Variants in SLC2A13 observed in about 807,000 individuals in gnomAD.
The protein encoded by SLC2A13 is proton myo-inositol cotransporter.
A neutral mutation model predicts 64.4 loss-of-function variants in SLC2A13; 32 were observed. The ratio of observed to expected loss-of-function variants is 0.50; its 90% CI spans 0.37 to 0.67. The LOEUF is 0.67. SLC2A13 is among the 30% of genes least tolerant of loss of function. The pLI is 0.00. For synonymous variants in SLC2A13, 338 were observed against 327.1 expected (o/e 1.03, Z -0.36); for missense variants, 743 against 829.2 (o/e 0.90, Z 1.28).
At position 40,105,754 on chromosome 12, in the gene SLC2A13, G is replaced by C; in HGVS notation, c.55C>G (p.Leu19Val). ...TGCTTCCTGCGCCGCTCGCCCATCA[G>C]GCTGCTCAGGCTCCGCAGCGTGTAC... ...VEYTLRSLSS[L>V]MGERRRKQPE... is the part of the protein sequence containing the mutation. The change falls in exon 1 of 10, where the codon CTG (leucine) becomes GTG (valine). Residue 19 changes from leucine (L) to valine (V), a missense_variant. Physicochemically the swap from Leu to Val is conservative, Grantham distance 32. Around this residue, in one of 2 missense-constraint regions of SLC2A13, gnomAD observed 448 missense variants for 447.4 expected, o/e 1.00. Transcript: ENST00000280871. The surrounding 1 kb of genome is among the most constrained non-coding windows in gnomAD (Gnocchi z 4.2). The C allele has an allele frequency of 6.7e-7, 1 of 1,490,516 alleles. No homozygotes were observed. Among genetic ancestry groups the C allele is most frequent in the Non-Finnish European group, 8.9e-7 (1 of 1,120,726 alleles). 92.3% of individuals were successfully genotyped at this position (1,490,516 alleles called of 1,614,324 possible).
intron 7 of SLC2A13, among the ~76,000 whole-genome samples, chr12:39,795,931 T>G (rs1941558070): frequency 6.6e-6 from 1 of 152,156 alleles, no homozygotes; most frequent in South Asian, 2.1e-4. Flanking sequence ...TATAACTCAG[T>G]GATTTTCAGT....
chr12:40,087,905 T>C (rs1938637952), intron 1 of SLC2A13, among the ~76,000 whole-genome samples: 1 of 152,198 alleles, frequency 6.6e-6, no homozygotes, highest in Non-Finnish European at 1.5e-5. Context: ...TGATTATAAG[T>C]ACAAATAACT....
intron 9 of SLC2A13, among the ~76,000 whole-genome samples, chr12:39,761,825 G>C (rs796098811): frequency 6.6e-6 from 1 of 152,042 alleles, no homozygotes; most frequent in African/African-American, 2.4e-5. Context: ...TACAAAATCT[G>C]TAACAGCAAA....
intron 3 of SLC2A13, among the ~76,000 whole-genome samples, chr12:39,998,689 G>A (rs1947274442): frequency 6.6e-6 from 1 of 152,212 alleles, no homozygotes; most frequent in Non-Finnish European, 1.5e-5. Context: ...TAGGCAGAAG[G>A]AACTTGTTTT....
intron 4 of SLC2A13, among the ~76,000 whole-genome samples, chr12:39,878,921 T>C (rs1234624531): frequency 6.6e-6 from 1 of 152,134 alleles, no homozygotes; most frequent in Non-Finnish European, 1.5e-5. Context: ...CCTAGGAGTA[T>C]AGAATGGTTT....
chr12:39,910,606 A>C (rs1456853778), intron 4 of SLC2A13, among the ~76,000 whole-genome samples: 1 of 152,014 alleles, frequency 6.6e-6, no homozygotes, highest in Admixed American at 6.6e-5. Context: ...AGCCTTGGGA[A>C]CCCACAGAAA....
intron 1 of SLC2A13, among the ~76,000 whole-genome samples, chr12:40,094,386 G>C (rs887528232): frequency 2.3e-4 from 35 of 152,194 alleles, no homozygotes; most frequent in African/African-American, 8.2e-4. Flanking sequence ...TCTGAGGCTG[G>C]CCCAAATTAA....
At chr12:39,882,796 C>A (rs530100394) in intron 4 of SLC2A13, among the ~76,000 whole-genome samples, 45 of 152,304 alleles carry the variant, frequency 3.0e-4, no homozygotes, top group African/African-American at 1.0e-3. Context: ...AATTATTACT[C>A]TTTCCTTCTA....
intron 7 of SLC2A13, among the ~76,000 whole-genome samples, chr12:39,783,527 C>A (rs544697566): frequency 2.0e-5 from 3 of 152,308 alleles, no homozygotes; most frequent in African/African-American, 7.2e-5. Flanking sequence ...TCCTCTCCAG[C>A]ACCTGTTGTT....
intron 3 of SLC2A13, among the ~76,000 whole-genome samples, chr12:39,960,959 C>T (rs1946402048): frequency 6.6e-6 from 1 of 151,652 alleles, no homozygotes; most frequent in African/African-American, 2.4e-5. Flanking sequence ...GTTGGCCATG[C>T]TGGTCTCGAA....
At chr12:39,976,810 C>T (rs1323905035) in intron 3 of SLC2A13, among the ~76,000 whole-genome samples, 1 of 152,068 alleles carries the variant, frequency 6.6e-6, no homozygotes. Flanking sequence ...CTACCTAACC[C>T]AAACCAAAAC....
At chr12:39,786,568 G>C (rs1008053614) in intron 7 of SLC2A13, among the ~76,000 whole-genome samples, 3 of 152,178 alleles carry the variant, frequency 2.0e-5, no homozygotes, top group Admixed American at 2.0e-4. Flanking sequence ...TTCTAAGCAG[G>C]CCCTTGCATA....
chr12:39,864,755 A>G lies in SLC2A13; in HGVS notation c.1319+7T>C. On this transcript the variant is annotated splice_region_variant and intron_variant, in intron 6 of 9. Coordinates refer to ENST00000280871, the MANE Select transcript of SLC2A13 (RefSeq NM_052885.4). ...TGTAAAGGAAGAAGAACATAATGGA[A>G]TCTCACCTGTATCTTGTGCAAGTGG... 6.2e-7 allele frequency: 1 copy of G among 1,612,868 alleles called. No homozygotes were observed. The highest frequency in any genetic ancestry group is 8.5e-7 in the Non-Finnish European group (1 of 1,179,546).
chr12:40,064,322 C>T (rs1355453748), intron 1 of SLC2A13, among the ~76,000 whole-genome samples: 1 of 152,040 alleles, frequency 6.6e-6, no homozygotes, highest in Non-Finnish European at 1.5e-5. Context: ...TACATACACA[C>T]ATACCCTTAA....
At chr12:39,854,647 T>G (rs1943558532) in intron 6 of SLC2A13, among the ~76,000 whole-genome samples, 1 of 152,200 alleles carries the variant, frequency 6.6e-6, no homozygotes, top group African/African-American at 2.4e-5. Flanking sequence ...GAAAACTCTT[T>G]GTAAAGCTCA....
At chr12:40,050,279 A>G (rs1212923693) in intron 1 of SLC2A13, among the ~76,000 whole-genome samples, 2 of 152,282 alleles carry the variant, frequency 1.3e-5, no homozygotes, top group East Asian at 3.9e-4. Context: ...AGAGATCTTT[A>G]TTTAGCCATG....
Position 40,052,594 on chromosome 12 carries a change from C to T in SLC2A13, c.557-4384G>A, listed in dbSNP as rs145047822. ...ATGACAGCGATTTTAAGAAATAATGCTGATTTGTAAGCTACATGCTATTAT... is the reference window on the plus strand; with the variant it reads ...ATGACAGCGATTTTAAGAAATAATGTTGATTTGTAAGCTACATGCTATTAT... On this transcript the variant is annotated intron_variant, in intron 1 of 9. Coordinates refer to ENST00000280871, the MANE Select transcript of SLC2A13 (RefSeq NM_052885.4). Among the ~76,000 whole-genome samples the T allele has an allele frequency of 1.7e-3, 255 of 152,052 alleles. 1 individual carries two copies. Among genetic ancestry groups the T allele is most frequent in the Non-Finnish European group, 1.9e-3 (132 of 67,966 alleles).
Position 39,877,263 on chromosome 12 carries a change from T to C in SLC2A13, c.1035-5302A>G, listed in dbSNP as rs113079489. On this transcript the variant is annotated intron_variant, in intron 4 of 9. Transcript: ENST00000280871. The stretch of plus-strand genomic sequence containing the variant: ...CATGGCTAGGGAGGCCTCACAATCA[T>C]GGTGGAAGGCAAAGGAGAGCAAAGG... 5.7e-3 allele frequency among the ~76,000 whole-genome samples: 866 copies of C among 152,248 alleles called. 19 individuals carry two copies. The East Asian group carries it at 0.065, about 11-fold the overall frequency.
intron 3 of SLC2A13, among the ~76,000 whole-genome samples, chr12:40,014,276 A>G (rs896974085): frequency 1.3e-5 from 2 of 152,216 alleles, no homozygotes; most frequent in Non-Finnish European, 2.9e-5. Flanking sequence ...ACAAAGTACA[A>G]AACTCTAACA....
Sources: gnomAD v4.1 joint callset for allele counts (sites outside exome capture counted in the v4.1 genomes callset) on GRCh38, gnomAD v4.1.1 for gene constraint, gnomAD v4.1.1 regional missense constraint, Gnocchi (gnomAD v3.1) non-coding constraint, MANE v1.5 for transcripts, NCBI Gene and HGNC (gene_info 2026-07-23, HGNC 2026-07-21) for gene names.